SHOC1: variants seen among roughly 807,000 people sequenced by gnomAD.
The protein encoded by SHOC1 is protein shortage in chiasmata 1 ortholog.
Under a neutral mutation model 179.2 loss-of-function variants are expected in SHOC1, and 136 were observed. The observed-to-expected ratio is 0.76, with a 90% confidence interval of 0.66 to 0.87. The LOEUF (loss-of-function observed/expected upper bound fraction) is 0.87, where lower values mean the gene tolerates loss of function less well. Ranked by LOEUF, SHOC1 falls within the 40% of genes least tolerant of loss-of-function variation. SHOC1 has a pLI of 0.00. For missense variants in SHOC1, 1,538 were observed against 1,700.8 expected, an observed-to-expected ratio of 0.90 and a Z score of 1.68; for synonymous variants, 489 against 586.6, an observed-to-expected ratio of 0.83 and a Z score of 2.41.
chr9:111,762,074 T>G (rs1835160876), intron 5 of SHOC1, among the ~76,000 whole-genome samples: 1 of 152,148 alleles, frequency 6.6e-6, no homozygotes, highest in Admixed American at 6.5e-5. Context: ...ATTAAAAACA[T>G]TAGTGGTCTC....
chr9:111,776,822 A>G (rs1171952046), intron 4 of SHOC1, among the ~76,000 whole-genome samples: 1 of 152,218 alleles, frequency 6.6e-6, no homozygotes, highest in African/African-American at 2.4e-5. Context: ...TTAGGGTGGT[A>G]ACAACTTTGT....
chr9:111,727,993 T>C lies in SHOC1; in HGVS notation c.1474A>G (p.Thr492Ala), dbSNP rs777017261. The part of the protein sequence containing the change: ...SPIALIDEKS[T>A]NAHLSLPQKS... ...TGTGGAAGTGATAAATGAGCATTTG[T>C]AGATTTTTCATCAATAAGTGCAATA... The change falls in exon 13 of 28, where the codon ACA becomes GCA. Residue 492 changes from threonine to alanine, a missense_variant. By Grantham distance (58) the Thr-to-Ala change is moderately conservative. Coordinates refer to ENST00000682961, the MANE Select transcript of SHOC1 (RefSeq NM_001378211.1). 8 of 1,608,038 alleles carry C rather than the reference T, an allele frequency of 5.0e-6. No individual in the cohort carries two copies. The highest frequency in any genetic ancestry group is 6.8e-6 in the Non-Finnish European group (8 of 1,178,160).
chr9:111,714,341 T>C, intron 17 of SHOC1, 104 bp downstream of exon 17: 1 of 1,085,090 alleles, frequency 9.2e-7, no homozygotes, highest in Non-Finnish European at 1.4e-6. Context: ...AGGGACTAAG[T>C]AGTATAGACT....
At chr9:111,792,887 C>CTTT (rs557546500) in intron 1 of SHOC1, among the ~76,000 whole-genome samples, 74 of 145,844 alleles carry the variant, frequency 5.1e-4, no homozygotes, top group Non-Finnish European at 7.7e-4. Flanking sequence ...TATCACTGAT[C>CTTT]TTTTTTTTTT....
In SHOC1 at chr9:111,691,869, G is replaced by A. The variant is rs574537689; in HGVS notation, c.4108C>T (p.His1370Tyr). The A allele has an allele frequency of 7.4e-6, 12 of 1,613,762 alleles. No individual in the cohort carries two copies. In the African/African-American group the frequency reaches 1.6e-4, roughly 22 times the overall value. Reference sequence around the variant, plus strand: ...GCACCATATTGTAAGTTGAACGGGTGATTCTCTTGTTCCCATATATTTTTC... The same window carrying A: ...GCACCATATTGTAAGTTGAACGGGTAATTCTCTTGTTCCCATATATTTTTC... Reference protein sequence around the residue: ...FKKNIWEQENHPFNLQYGAQQ... With the variant: ...FKKNIWEQENYPFNLQYGAQQ... Residue 1370 changes from histidine to tyrosine, a missense_variant, in exon 27 of 28, where the codon CAC becomes TAC. Transcript: ENST00000682961.
rs1391290170 is a variant in SHOC1 at position 111,741,530 on chromosome 9, T to C, written c.1120A>G (p.Met374Val). 6.2e-7 allele frequency: 1 copy of C among 1,612,244 alleles called. No homozygotes were observed. Reference sequence around the variant, plus strand: ...CTACATCTTTCTAATTGCCACATCATGTAGTATTCATTAGCTGATTCTTCA... The same window carrying C: ...CTACATCTTTCTAATTGCCACATCACGTAGTATTCATTAGCTGATTCTTCA... ...TAEESANEYY[M>V]MWQLERCRSP... The change falls in exon 11 of 28, where the codon ATG becomes GTG. Residue 374 changes from methionine (M) to valine (V), a missense_variant. Transcript: ENST00000682961.
At chr9:111,779,099 A>C (rs1449595898) in intron 4 of SHOC1, among the ~76,000 whole-genome samples, 1 of 89,874 alleles carries the variant, frequency 1.1e-5, no homozygotes, top group Non-Finnish European at 2.4e-5. Context: ...ACTCTGTGTC[A>C]AAAAAAAAAA....
chr9:111,783,565 A>C (rs1236698388), intron 3 of SHOC1: 2 of 152,150 alleles, frequency 1.3e-5, no homozygotes, highest in East Asian at 1.9e-4. Flanking sequence ...TCAGACTTTT[A>C]ACTGTTAGAG....
At chr9:111,781,750 A>AAATAAATAAATAAATAAATTAATT (rs765900257) in intron 3 of SHOC1, among the ~76,000 whole-genome samples, 84 of 151,002 alleles carry the variant, frequency 5.6e-4, no homozygotes, top group Middle Eastern at 3.4e-3. Context: ...ATAAATAAAT[A>AAATAAATAAATAAATAAATTAATT]AATTTGTATG....
intron 22 of SHOC1, among the ~76,000 whole-genome samples, chr9:111,702,713 A>G (rs956766876): frequency 8.5e-5 from 13 of 152,240 alleles, no homozygotes; most frequent in African/African-American, 3.1e-4. Context: ...ATCTCTACCT[A>G]ATGGTATGGA....
intron 21 of SHOC1, among the ~76,000 whole-genome samples, chr9:111,704,412 C>T (rs1832148749): frequency 6.6e-6 from 1 of 152,080 alleles, no homozygotes; most frequent in Non-Finnish European, 1.5e-5. Flanking sequence ...TTTTTAGAGA[C>T]AGCTCTGTTG....
At chr9:111,721,771 C>T (rs750313163) in intron 15 of SHOC1, among the ~76,000 whole-genome samples, 2 of 152,182 alleles carry the variant, frequency 1.3e-5, no homozygotes, top group Non-Finnish European at 2.9e-5. Context: ...TCTTGGTCTC[C>T]CTGGACTCTT....
Position 111,748,113 on chromosome 9 carries a change from G to A in SHOC1, c.949C>T (p.Pro317Ser). 6.2e-7 allele frequency: 1 copy of A among 1,613,074 alleles called. No homozygotes were observed. Among genetic ancestry groups the A allele is most frequent in the Admixed American group, 1.7e-5 (1 of 59,984 alleles). Residue 317 changes from proline to serine, a missense_variant, in exon 9 of 28, where the codon CCA (proline) becomes TCA (serine). By Grantham distance (74) the Pro-to-Ser change is moderately conservative (BLOSUM62 -1). Transcript: ENST00000682961. ...EILTIQSQSE[P>S]EECSKPGELE... ...CTACCTGGTTTACTGCACTCTTCTG[G>A]TTCACTCTGGCTTTGAATGGTCAAA...
chr9:111,744,482 T>C (rs927603983), intron 10 of SHOC1, among the ~76,000 whole-genome samples: 3 of 152,204 alleles, frequency 2.0e-5, no homozygotes, highest in African/African-American at 7.2e-5. Context: ...TTTGACACTT[T>C]CCTGAGACCA....
At chr9:111,704,295 A>G (rs1399019159) in intron 21 of SHOC1, among the ~76,000 whole-genome samples, 1 of 152,220 alleles carries the variant, frequency 6.6e-6, no homozygotes, top group African/African-American at 2.4e-5. Flanking sequence ...AAATCAAAAC[A>G]TTATGGGACT....
chr9:111,736,194 C>A (rs1467351334), intron 12 of SHOC1, among the ~76,000 whole-genome samples: 1 of 152,094 alleles, frequency 6.6e-6, no homozygotes, highest in Non-Finnish European at 1.5e-5. Context: ...ACATCATTTT[C>A]CACAGACCTA....
At chr9:111,759,167 G>C in intron 5 of SHOC1, 1 of 1,608,552 alleles carries the variant, frequency 6.2e-7, no homozygotes, top group Admixed American at 1.7e-5. Context: ...CTTCAAAATA[G>C]CCAGGCGTAG....
chr9:111,727,822 G>A lies in SHOC1; in HGVS notation c.1645C>T (p.His549Tyr), dbSNP rs201099189. 51 of 1,611,552 alleles carry A rather than the reference G, an allele frequency of 3.2e-5. No individual in the cohort carries two copies. In the East Asian group the frequency reaches 9.6e-4, roughly 30 times the overall value. ...GGTCCTGTGCAGTCAAGTTCAAAGT[G>A]ATCGTTATTTTCTTTCTTTTGGATT... ...RIIQKKENND[H>Y]FELDCTGPSI... The change falls in exon 13 of 28, where the codon CAC (histidine) becomes TAC (tyrosine). Residue 549 changes from histidine to tyrosine, a missense_variant. By Grantham distance (83) the His-to-Tyr change is moderately conservative. Transcript: ENST00000682961.
intron 12 of SHOC1, 114 bp downstream of exon 12, chr9:111,738,166 A>G (rs1833887799): frequency 2.2e-6 from 2 of 901,550 alleles, no homozygotes; most frequent in Non-Finnish European, 3.2e-6. Context: ...GCCAGGGCCT[A>G]TATGGAATGC....
Sources: allele counts gnomAD v4.1 joint callset (sites outside exome capture counted in the v4.1 genomes callset), GRCh38; gene constraint gnomAD v4.1.1; transcripts MANE v1.5; gene names NCBI Gene and HGNC (gene_info 2026-07-23, HGNC 2026-07-21).